The following DPH6 variants were observed in gnomAD, a reference collection of about 807,000 sequenced individuals.
DPH6 encodes diphthine--ammonia ligase.
In DPH6, 33 loss-of-function variants were observed where a neutral mutation model predicts 38.2. The ratio of observed to expected loss-of-function variants is 0.86; its 90% confidence interval spans 0.65 to 1.15. The LOEUF is 1.15. DPH6 is among the 50% of genes most tolerant of loss of function. The probability of loss-of-function intolerance (pLI) is 0.00; values close to 1 mark genes in which losing one functional copy is unlikely to be tolerated. For missense variants in DPH6, 325 were observed against 320.0 expected (o/e 1.02, Z -0.12); for synonymous variants, 108 against 103.0 (o/e 1.05, Z -0.30).
rs188569854 is a variant in DPH6, at chr15:35,239,835, C to T, written n.201-19253G>A. 8.9e-3 allele frequency among the ~76,000 whole-genome samples: 1,262 copies of T among 142,206 alleles called. 185 individuals carry two copies. Among genetic ancestry groups the T allele is most frequent in the South Asian group, 0.016 (65 of 4,022 alleles). 93.3% of individuals were successfully genotyped at this position (142,206 alleles called of 152,430 possible). A position where few individuals can be genotyped will look rare whatever the true frequency, so the allele number is the denominator to read the frequency against. On this transcript the variant is annotated intron_variant and non_coding_transcript_variant, in intron 3 of 3. Coordinates refer to the DPH6 transcript ENST00000560386. ...TTATTTCCACACCCCAACCTCTTAT[C>T]TCTGTGCCCCAATCCCTTATTTCTG...
intron 3 of DPH6, among the ~76,000 whole-genome samples, chr15:35,516,748 T>C (rs994116678): frequency 1.3e-5 from 2 of 152,174 alleles, no homozygotes; most frequent in Admixed American, 6.5e-5. Context: ...CTCACTCACA[T>C]GCCACATAGT....
intron 6 of DPH6, 75 bp from the exon 7 acceptor site, chr15:35,381,991 T>TA: frequency 1.9e-6 from 2 of 1,048,638 alleles, no homozygotes; most frequent in Non-Finnish European, 2.9e-6. Context: ...TATCTGGTAC[T>TA]AAAAAATCCA....
chr15:35,519,004 T>A (rs2141232061), intron 3 of DPH6: 1 of 152,086 alleles, frequency 6.6e-6, no homozygotes, highest in East Asian at 1.9e-4. Flanking sequence ...GGGCCCGTGA[T>A]CTTTTTATTA....
intron 3 of DPH6, among the ~76,000 whole-genome samples, chr15:35,481,896 T>C (rs1332550196): frequency 6.6e-6 from 1 of 152,210 alleles, no homozygotes; most frequent in African/African-American, 2.4e-5. Context: ...AGATTTATTA[T>C]TTGGCAAATC....
the DPH6 span, among the ~76,000 whole-genome samples, chr15:35,151,831 A>G: frequency 1.3e-5 from 2 of 152,234 alleles, no homozygotes; most frequent in African/African-American, 2.4e-5. Flanking sequence ...TACAAATGAT[A>G]ATAAGCGACG....
the DPH6 span, among the ~76,000 whole-genome samples, chr15:35,175,974 A>G: frequency 1.3e-5 from 2 of 152,216 alleles, no homozygotes; most frequent in East Asian, 1.9e-4. Context: ...ACTTTCAGAC[A>G]TGTTCTCTTT....
chr15:35,473,277 A>G (rs765369366), intron 3 of DPH6, among the ~76,000 whole-genome samples: 4 of 152,202 alleles, frequency 2.6e-5, no homozygotes, highest in Non-Finnish European at 5.9e-5. Flanking sequence ...AAGTTCTGGT[A>G]CCAGCTTTAA....
At chr15:35,358,804 C>T (rs1249874190) in intron 3 of DPH6, among the ~76,000 whole-genome samples, 1 of 152,138 alleles carries the variant, frequency 6.6e-6, no homozygotes, top group South Asian at 2.1e-4. Flanking sequence ...ATGCAATAGA[C>T]ACCATGAGGA....
intron 3 of DPH6, 144 bp downstream of exon 3, chr15:35,538,130 T>C: frequency 1.6e-6 from 1 of 640,998 alleles, no homozygotes; most frequent in Non-Finnish European, 2.4e-6. Context: ...TGCAGTTTTT[T>C]TCTAACCAAA....
At chr15:35,481,591 G>T (rs902942570) in intron 3 of DPH6, among the ~76,000 whole-genome samples, 1 of 152,120 alleles carries the variant, frequency 6.6e-6, no homozygotes, top group Non-Finnish European at 1.5e-5. Flanking sequence ...TTTAATGCAT[G>T]ATTATGGTGT....
intron 3 of DPH6, among the ~76,000 whole-genome samples, chr15:35,296,596 A>G (rs1475854475): frequency 6.6e-6 from 1 of 152,168 alleles, no homozygotes. Context: ...CCAACTCTCC[A>G]GCTACTTTGT....
intron 3 of DPH6, chr15:35,299,200 C>G: frequency 1.5e-6 from 2 of 1,342,964 alleles, no homozygotes; most frequent in South Asian, 2.4e-5. Context: ...CCACTGGGAA[C>G]AGGATCCTTC....
chr15:35,165,327 A>G, the DPH6 span, among the ~76,000 whole-genome samples: 2 of 151,924 alleles, frequency 1.3e-5, no homozygotes, highest in Non-Finnish European at 2.9e-5. Flanking sequence ...ATCTTATTAT[A>G]TGGTTCACTT....
the DPH6 span, among the ~76,000 whole-genome samples, chr15:35,211,517 A>G: frequency 6.6e-6 from 1 of 152,186 alleles, no homozygotes; most frequent in Admixed American, 6.5e-5. Context: ...GGAAGAGAGG[A>G]GCATAATACA....
intron 3 of DPH6, among the ~76,000 whole-genome samples, chr15:35,227,052 G>C (rs940231277): frequency 1.3e-5 from 2 of 151,668 alleles, no homozygotes; most frequent in Non-Finnish European, 2.9e-5. Flanking sequence ...TTCAATCTTG[G>C]TAGGTTGTAT....
At chr15:35,150,962 T>C in the DPH6 span, among the ~76,000 whole-genome samples, 1 of 152,204 alleles carries the variant, frequency 6.6e-6, no homozygotes, top group Non-Finnish European at 1.5e-5. Context: ...ACAAATTCAA[T>C]GGCTATATCT....
intron 3 of DPH6, among the ~76,000 whole-genome samples, chr15:35,525,496 T>C (rs973444816): frequency 6.6e-6 from 1 of 152,208 alleles, no homozygotes; most frequent in Non-Finnish European, 1.5e-5. Context: ...GCACATAGCA[T>C]AGCATGTGTT....
chr15:35,170,496 G>C, the DPH6 span, among the ~76,000 whole-genome samples: 1 of 152,288 alleles, frequency 6.6e-6, no homozygotes, highest in East Asian at 1.9e-4. Flanking sequence ...CATGAAGCCA[G>C]ATTTACATTG....
rs2054944039 is a variant in DPH6 at position 35,523,066 on chromosome 15, C to T, written c.312+15208G>A. Among the ~76,000 whole-genome samples, 4 of 151,868 alleles carry T rather than the reference C, an allele frequency of 2.6e-5. No homozygotes were observed. In the South Asian group the frequency reaches 8.3e-4, roughly 32 times the overall value. On this transcript the variant is annotated intron_variant, in intron 3 of 8. Coordinates refer to ENST00000256538, the MANE Select transcript of DPH6 (RefSeq NM_080650.4). ...TTCCCCAAAGTGGAATTGCTTATTA[C>T]AGGAGTGTATTTTTTTGTGTTTGAT...
Sources: allele counts gnomAD v4.1 joint callset (sites outside exome capture counted in the v4.1 genomes callset), GRCh38; gene constraint gnomAD v4.1.1; transcripts MANE v1.5; gene names NCBI Gene and HGNC (gene_info 2026-07-23, HGNC 2026-07-21).